The following ARHGAP17 variants were observed in gnomAD, a reference collection of about 807,000 sequenced individuals.
ARHGAP17 encodes Rho GTPase activating protein 17.
Under a neutral mutation model 99.5 loss-of-function variants are expected in ARHGAP17, and 57 were observed. The observed-to-expected ratio is 0.57, with a 90% CI of 0.46 to 0.71. ARHGAP17 has a LOEUF of 0.71. Among genes scored for constraint, ARHGAP17 ranks in the 30% least tolerant of loss-of-function variants. The pLI is 0.00. For missense variants in ARHGAP17, 1,000 were observed against 1,122.4 expected, an observed-to-expected ratio of 0.89 and a Z score of 1.56; for synonymous variants, 417 against 429.6, an observed-to-expected ratio of 0.97 and a Z score of 0.36.
intron 18 of ARHGAP17, among the ~76,000 whole-genome samples, chr16:24,932,575 G>C (rs2051024599): frequency 6.6e-6 from 1 of 152,032 alleles, no homozygotes; most frequent in Admixed American, 6.6e-5. Flanking sequence ...TGGTTTGATT[G>C]GTCTTAATAA....
chr16:24,954,481 C>T (rs2051744162), intron 10 of ARHGAP17, 122 bp downstream of exon 10: 2 of 1,387,342 alleles, frequency 1.4e-6, no homozygotes, highest in African/African-American at 1.4e-5. Flanking sequence ...CTGTTCTACA[C>T]AAAACGGACA....
rs529202245 is a variant in ARHGAP17, at chr16:24,944,674, T to C, written c.1242-812A>G. ...CTCTATCGCCCAGGCTGGAGTGCAG[T>C]GGCGCTATCTCAGCTCACTGCAAGC... On this transcript the variant is annotated intron_variant, in intron 14 of 19. Transcript: ENST00000289968. Among the ~76,000 whole-genome samples the C allele has an allele frequency of 3.9e-5, 6 of 152,300 alleles. No individual in the cohort carries two copies. In the East Asian group the frequency reaches 1.2e-3, roughly 30 times the overall value.
chr16:24,960,001 G>A, intron 7 of ARHGAP17, 22 bp from the exon 8 acceptor site: 1 of 1,610,714 alleles, frequency 6.2e-7, no homozygotes, highest in East Asian at 2.2e-5. Context: ...GAAGATAAGA[G>A]GTTATTGAAG....
chr16:24,966,812 G>A (rs1357274309), intron 6 of ARHGAP17, among the ~76,000 whole-genome samples: 1 of 152,108 alleles, frequency 6.6e-6, no homozygotes, highest in East Asian at 1.9e-4. Flanking sequence ...GGACTTTGCT[G>A]TCAGAATCCT....
intron 15 of ARHGAP17, among the ~76,000 whole-genome samples, chr16:24,943,217 C>A (rs2051366967): frequency 6.6e-6 from 1 of 152,214 alleles, no homozygotes; most frequent in Non-Finnish European, 1.5e-5. Context: ...CCTGACACAG[C>A]CAACTCAGGC....
intron 1 of ARHGAP17, among the ~76,000 whole-genome samples, chr16:24,995,887 A>AC (rs1466000083): frequency 6.6e-6 from 1 of 152,094 alleles, no homozygotes; most frequent in African/African-American, 2.4e-5. Flanking sequence ...CTATAGACCA[A>AC]CTTTTTCTTC....
chr16:24,956,030 C>T (rs1324640371), intron 9 of ARHGAP17: 2 of 152,188 alleles, frequency 1.3e-5, no homozygotes, highest in Admixed American at 6.5e-5. Flanking sequence ...GGGGTCTGGA[C>T]CTTCCCAGAG....
intron 6 of ARHGAP17, among the ~76,000 whole-genome samples, chr16:24,964,574 A>G (rs2052115447): frequency 6.6e-6 from 1 of 152,178 alleles, no homozygotes; most frequent in African/African-American, 2.4e-5. Context: ...CTTGTCTCAC[A>G]CAAACTCTAC....
At position 24,931,151 on chromosome 16, in the gene ARHGAP17, C is replaced by T. The variant is rs77100209; in HGVS notation, c.2148G>A (p.Pro716=). The change falls in exon 19 of 20, where the codon CCG becomes CCA. Residue 716 remains proline (P), a synonymous_variant. Coordinates refer to ENST00000289968, the MANE Select transcript of ARHGAP17 (RefSeq NM_001006634.3). Reference sequence around the variant, plus strand: ...GTGGCGTGGCCTGCGTAGGGGGCTGCGGCGGTGGGTGATTGGGAGCTTGGA... The same window carrying T: ...GTGGCGTGGCCTGCGTAGGGGGCTGTGGCGGTGGGTGATTGGGAGCTTGGA... The part of the protein sequence containing the change: ...SPIQAPNHPP[P]QPPTQATPLM... 5,479 of 1,599,532 alleles carry T rather than the reference C, an allele frequency of 3.4e-3. 105 individuals carry two copies. The African/African-American group carries it at 0.054, about 16-fold the overall frequency.
rs147346131 is a variant in ARHGAP17 at position 24,994,041 on chromosome 16, C to A, written c.54-15036G>T. The stretch of plus-strand genomic sequence containing the variant: ...CTGAAAATCTGAATAATGGTGGCTC[C>A]TCTGGAATTCTACAATAAACACACG... On this transcript the variant is annotated intron_variant, in intron 1 of 19. Transcript: ENST00000289968. Among the ~76,000 whole-genome samples, 194 of 152,272 alleles carry A rather than the reference C, an allele frequency of 1.3e-3. No homozygotes were observed. In the South Asian group the frequency reaches 0.028, roughly 22 times the overall value.
Position 24,950,836 on chromosome 16 carries a change from C to CAAAAAAAAAAAAAAAAA in ARHGAP17, c.1047-1369_1047-1353dup, listed in dbSNP as rs1177614713. 1.5e-3 allele frequency among the ~76,000 whole-genome samples: 59 copies of CAAAAAAAAAAAAAAAAA among 39,410 alleles called. 3 individuals carry two copies. The highest frequency in any genetic ancestry group is 5.3e-3 in the African/African-American group (50 of 9,522). 25.9% of individuals were successfully genotyped at this position (39,410 alleles called of 152,430 possible). On this transcript the variant is annotated intron_variant, in intron 12 of 19. Coordinates refer to ENST00000289968, the MANE Select transcript of ARHGAP17 (RefSeq NM_001006634.3). The stretch of plus-strand genomic sequence containing the variant: ...TGGGCGACAGAGTGGGACTCCAACT[C>CAAAAAAAAAAAAAAAAA]AAAAAAAAAAAAAAAAAAAAAAGAA...
chr16:24,936,067 C>T (rs1312234646), intron 17 of ARHGAP17: 2 of 295,854 alleles, frequency 6.8e-6, no homozygotes, highest in African/African-American at 2.2e-5. Flanking sequence ...AGTTCTACTG[C>T]GTTTGGACTT....
At position 24,939,564 on chromosome 16, in the gene ARHGAP17, G is replaced by A; in HGVS notation, c.1524C>T (p.His508=). ...TTCTATTTAGAGTGCCACCCCGCCG[G>A]TGGGCCTGGAAGTCCATAAGCTTCA... ...FGVKLMDFQA[H]RRGGTLNRKH... Residue 508 remains histidine, a synonymous_variant, in exon 17 of 20, where the codon CAC becomes CAT. Coordinates refer to ENST00000289968, the MANE Select transcript of ARHGAP17 (RefSeq NM_001006634.3). 1.9e-6 allele frequency: 3 copies of A among 1,607,992 alleles called. No individual in the cohort carries two copies. Among genetic ancestry groups the A allele is most frequent in the Non-Finnish European group, 2.5e-6 (3 of 1,177,940 alleles).
chr16:25,006,123 CCA>C (rs1203909661), intron 1 of ARHGAP17, among the ~76,000 whole-genome samples: 2 of 151,940 alleles, frequency 1.3e-5, no homozygotes, highest in Non-Finnish European at 2.9e-5. Flanking sequence ...GGCAGCAAAG[CCA>C]ACTGGAAGAC....
At chr16:24,974,729 G>C (rs1172098740) in intron 3 of ARHGAP17, among the ~76,000 whole-genome samples, 1 of 152,216 alleles carries the variant, frequency 6.6e-6, no homozygotes, top group African/African-American at 2.4e-5. Context: ...GTCCAGGTGA[G>C]AGGGAGTCAG....
intron 16 of ARHGAP17, among the ~76,000 whole-genome samples, chr16:24,941,414 A>G (rs2051308261): frequency 6.6e-6 from 1 of 152,214 alleles, no homozygotes; most frequent in Non-Finnish European, 1.5e-5. Context: ...TGAATTGCCC[A>G]TAGAAAAGAG....
rs1555467225 is a variant in ARHGAP17, at chr16:24,982,107, T to TA, written c.54-3103dup. Among the ~76,000 whole-genome samples, 28 of 148,956 alleles carry TA rather than the reference T, an allele frequency of 1.9e-4. No individual in the cohort carries two copies. In the South Asian group the frequency reaches 1.9e-3, roughly 10 times the overall value. ...TTTGCAGGCTTAGATTTTTTTTTTT[T>TA]AAATCAATTTTAGAGGTTGGGGGTG... is the stretch of plus-strand genomic sequence containing the variant. On this transcript the variant is annotated intron_variant, in intron 1 of 19. Coordinates refer to ENST00000289968, the MANE Select transcript of ARHGAP17 (RefSeq NM_001006634.3).
intron 1 of ARHGAP17, among the ~76,000 whole-genome samples, chr16:24,998,531 A>G (rs905103297): frequency 1.7e-4 from 26 of 152,140 alleles, no homozygotes; most frequent in African/African-American, 6.3e-4. Context: ...CAGGTCATCC[A>G]AGGAGAGAGG....
intron 18 of ARHGAP17, among the ~76,000 whole-genome samples, chr16:24,931,931 C>T (rs60689512): frequency 0.016 from 2,499 of 152,190 alleles, 53 homozygotes; most frequent in African/African-American, 0.055. Context: ...GCCTGAGCAA[C>T]GTGGCAAAAC....
Sources: allele counts gnomAD v4.1 joint callset (sites outside exome capture counted in the v4.1 genomes callset), GRCh38; gene constraint gnomAD v4.1.1; transcripts MANE v1.5; gene names NCBI Gene and HGNC (gene_info 2026-07-23, HGNC 2026-07-21).